Variants in IL2RA observed in about 807,000 individuals in gnomAD.
The protein encoded by IL2RA is interleukin-2 receptor subunit alpha.
Under a neutral mutation model 37.8 loss-of-function variants are expected in IL2RA, and 24 were observed. The observed-to-expected ratio is 0.63, with a 90% CI of 0.46 to 0.89. The LOEUF (loss-of-function observed/expected upper bound fraction) is 0.89, where lower values mean the gene tolerates loss of function less well. Ranked by LOEUF, IL2RA falls within the 40% of genes least tolerant of loss-of-function variation. IL2RA has a pLI of 0.00. For synonymous variants in IL2RA, 125 were observed against 114.6 expected, an observed-to-expected ratio of 1.09 and a Z score of -0.58; for missense variants, 319 against 348.6, an observed-to-expected ratio of 0.92 and a Z score of 0.68.
intron 7 of IL2RA, among the ~76,000 whole-genome samples, chr10:6,016,804 C>T (rs1183145801): frequency 6.6e-6 from 1 of 152,152 alleles, no homozygotes; most frequent in Non-Finnish European, 1.5e-5. Context: ...GAACTCCTGA[C>T]CTCAGGTAAC....
At chr10:6,061,975 A>T in intron 1 of IL2RA, 113 bp downstream of exon 1, 6 of 860,110 alleles carry the variant, frequency 7.0e-6, no homozygotes, top group Non-Finnish European at 1.2e-5. Context: ...GGAACCCAAG[A>T]TTCAACTCCC....
At chr10:6,042,438 C>T (rs1243124459) in intron 1 of IL2RA, among the ~76,000 whole-genome samples, 1 of 152,028 alleles carries the variant, frequency 6.6e-6, no homozygotes, top group African/African-American at 2.4e-5. Context: ...TACGTGATAC[C>T]TTAAAAGCCT....
At chr10:6,030,579 T>G (rs1207498990) in intron 1 of IL2RA, among the ~76,000 whole-genome samples, 1 of 152,170 alleles carries the variant, frequency 6.6e-6, no homozygotes, top group African/African-American at 2.4e-5. Flanking sequence ...TTAGTATATT[T>G]TCAGATAAAA....
Position 6,019,897 on chromosome 10 carries a change from C to T in IL2RA, c.628G>A (p.Glu210Lys), listed in dbSNP as rs780335134. The change falls in exon 5 of 8, where the codon GAG (glutamate) becomes AAG (lysine). Residue 210 changes from glutamate to lysine, a missense_variant. Physicochemically the swap from Glu to Lys is moderately conservative, Grantham distance 56. Transcript: ENST00000379959. ...GTTGTTGTGACGAGGCAGGAAGTCT[C>T]ACTCTCAGGACGGCCTTCGGGGCTT... ...QASPEGRPES[E>K]TSCLVTTTDF... 6.2e-7 allele frequency: 1 copy of T among 1,614,180 alleles called. No homozygotes were observed. Among genetic ancestry groups the T allele is most frequent in the South Asian group, 1.1e-5 (1 of 91,088 alleles).
rs1589292417 is a variant in IL2RA, at chr10:6,020,000, C to T, written c.584-59G>A. 4.1e-6 allele frequency: 6 copies of T among 1,446,022 alleles called. No individual in the cohort carries two copies. In the East Asian group the frequency reaches 1.4e-4, roughly 33 times the overall value. 89.6% of individuals were successfully genotyped at this position (1,446,022 alleles called of 1,614,324 possible). On this transcript the variant is annotated intron_variant, in intron 4 of 7. Coordinates refer to ENST00000379959, the MANE Select transcript of IL2RA (RefSeq NM_000417.3). ...AAACACAGGAGTCAGGGCCTCACTC[C>T]CACCCCGCCTGCCCCAGGCAGCCGG...
At chr10:6,034,669 G>A (rs1227590699) in intron 1 of IL2RA, among the ~76,000 whole-genome samples, 1 of 152,040 alleles carries the variant, frequency 6.6e-6, no homozygotes, top group Non-Finnish European at 1.5e-5. Context: ...CACTAACAAT[G>A]CCAAAAATTA....
chr10:6,054,202 G>A lies in IL2RA; in HGVS notation c.64+7886C>T, dbSNP rs1192682092. 2.6e-5 allele frequency among the ~76,000 whole-genome samples: 4 copies of A among 152,206 alleles called. No homozygotes were observed. Among genetic ancestry groups the A allele is most frequent in the East Asian group, 1.9e-4 (1 of 5,202 alleles). ...CGGAGCTGCTGGTCAAAAACCCCCC[G>A]GGGAACTGGTTGGGTGTGGGAGTGG... On this transcript the variant is annotated intron_variant, in intron 1 of 7. Transcript: ENST00000379959. The surrounding 1 kb of genome is among the most constrained non-coding windows in gnomAD (Gnocchi z 4.5).
At chr10:6,037,423 C>T (rs1405624367) in intron 1 of IL2RA, among the ~76,000 whole-genome samples, 1 of 152,136 alleles carries the variant, frequency 6.6e-6, no homozygotes, top group Non-Finnish European at 1.5e-5. Context: ...TTACTCTTAG[C>T]CCAGCCAGCC....
At chr10:6,017,158 T>C (rs1054333088) in intron 7 of IL2RA, 2 of 152,522 alleles carry the variant, frequency 1.3e-5, no homozygotes, top group Non-Finnish European at 2.9e-5. Flanking sequence ...CTCACTGGTA[T>C]TTTAGAAGAC....
intron 1 of IL2RA, 143 bp downstream of exon 1, chr10:6,061,945 G>A (rs1840127515): frequency 4.4e-6 from 3 of 678,396 alleles, no homozygotes; most frequent in East Asian, 2.7e-5. Context: ...TGGGGTCCCC[G>A]TGGGTCACAG....
intron 1 of IL2RA, among the ~76,000 whole-genome samples, chr10:6,049,512 A>G (rs1290438727): frequency 6.6e-6 from 1 of 152,210 alleles, no homozygotes; most frequent in Non-Finnish European, 1.5e-5. Context: ...GAAATTGACC[A>G]TCATGCTCAT....
At position 6,046,324 on chromosome 10, in the gene IL2RA, C is replaced by A. The variant is rs1216678349; in HGVS notation, c.64+15764G>T. Among the ~76,000 whole-genome samples the A allele has an allele frequency of 6.6e-6, 1 of 152,180 alleles. No homozygotes were observed. The highest frequency in any genetic ancestry group is 1.5e-5 in the Non-Finnish European group (1 of 68,026). ...GGGGTCCTGGCGCTTTCAGATACTA[C>A]CATGATCTGCTAGTCTACTGTGATT... On this transcript the variant is annotated intron_variant, in intron 1 of 7. Transcript: ENST00000379959. The surrounding 1 kb of genome is among the most constrained non-coding windows in gnomAD (Gnocchi z 4.8).
In IL2RA at chr10:6,044,333, C is replaced by T. The variant is rs1006952298; in HGVS notation, c.64+17755G>A. On this transcript the variant is annotated intron_variant, in intron 1 of 7. Coordinates refer to ENST00000379959, the MANE Select transcript of IL2RA (RefSeq NM_000417.3). The surrounding 1 kb of genome is among the most constrained non-coding windows in gnomAD (Gnocchi z 4.5). ...TTCCGGCTGTGCTACAGCTCCGTGA[C>T]TGCTTCTGTAGAGCAGGGCGACCAC... Among the ~76,000 whole-genome samples, 2 of 152,252 alleles carry T rather than the reference C, an allele frequency of 1.3e-5. No homozygotes were observed. Among genetic ancestry groups the T allele is most frequent in the Non-Finnish European group, 2.9e-5 (2 of 68,044 alleles).
At chr10:6,024,583 T>A (rs1211118231) in intron 2 of IL2RA, among the ~76,000 whole-genome samples, 25 of 152,206 alleles carry the variant, frequency 1.6e-4, no homozygotes, top group Admixed American at 1.6e-3. Context: ...TGAGCGTGTG[T>A]ATACGTGTCT....
At position 6,018,201 on chromosome 10, in the gene IL2RA, G is replaced by T; in HGVS notation, c.728-82C>A. The T allele has an allele frequency of 1.9e-6, 2 of 1,066,898 alleles. No homozygotes were observed. Among genetic ancestry groups the T allele is most frequent in the Non-Finnish European group, 2.9e-6 (2 of 690,706 alleles). The allele number at this position is 1,066,898 out of a possible 1,614,324, so 66.1% of individuals were successfully genotyped here. The stretch of plus-strand genomic sequence containing the variant: ...AGGAGCCAGGGCCACAGGGCAGGCT[G>T]AGGACATCCCCAAAGAGCAAGGCGG... On this transcript the variant is annotated intron_variant, in intron 6 of 7. Transcript: ENST00000379959. This position sits in a 1 kb window ranked among gnomAD's most constrained non-coding sequence, Gnocchi z 5.1.
chr10:6,028,638 T>G lies in IL2RA; in HGVS notation c.65-2613A>C, dbSNP rs1839520689. On this transcript the variant is annotated intron_variant, in intron 1 of 7. Coordinates refer to ENST00000379959, the MANE Select transcript of IL2RA (RefSeq NM_000417.3). The surrounding 1 kb of genome is among the most constrained non-coding windows in gnomAD (Gnocchi z 4.1). The stretch of plus-strand genomic sequence containing the variant: ...TAATATCCAGCAAATTAAAAGAAAA[T>G]CTAGACATGTGAAGAAACAGGAAAA... Among the ~76,000 whole-genome samples, 1 of 151,940 alleles carries G rather than the reference T, an allele frequency of 6.6e-6. No individual in the cohort carries two copies. Among genetic ancestry groups the G allele is most frequent in the African/African-American group, 2.4e-5 (1 of 41,324 alleles).
chr10:6,037,964 C>T (rs1457645232), intron 1 of IL2RA, among the ~76,000 whole-genome samples: 1 of 152,144 alleles, frequency 6.6e-6, no homozygotes, highest in Non-Finnish European at 1.5e-5. Flanking sequence ...AAACCCAAAC[C>T]AGAAGTTTAG....
chr10:6,044,568 T>G lies in IL2RA; in HGVS notation c.64+17520A>C, dbSNP rs924991107. On this transcript the variant is annotated intron_variant, in intron 1 of 7. Coordinates refer to ENST00000379959, the MANE Select transcript of IL2RA (RefSeq NM_000417.3). This position sits in a 1 kb window ranked among gnomAD's most constrained non-coding sequence, Gnocchi z 4.5. ...ACATGGCACACTCATGAGCATGTCT[T>G]ATGGAAAGCTGCTTCTGCCCCAATC... 6.6e-6 allele frequency among the ~76,000 whole-genome samples: 1 copy of G among 152,188 alleles called. No individual in the cohort carries two copies. The highest frequency in any genetic ancestry group is 1.5e-5 in the Non-Finnish European group (1 of 68,022).
intron 1 of IL2RA, among the ~76,000 whole-genome samples, chr10:6,060,816 A>G (rs887271181): frequency 2.0e-5 from 3 of 152,158 alleles, no homozygotes; most frequent in Non-Finnish European, 4.4e-5. Flanking sequence ...CTCTTTAAAG[A>G]CACTCCTACA....
Sources: allele counts gnomAD v4.1 joint callset (sites outside exome capture counted in the v4.1 genomes callset), GRCh38; gene constraint gnomAD v4.1.1; non-coding constraint Gnocchi (gnomAD v3.1); transcripts MANE v1.5; gene names NCBI Gene and HGNC (gene_info 2026-07-23, HGNC 2026-07-21).